NCOA2: variants seen among roughly 807,000 people sequenced by gnomAD.
NCOA2 encodes the protein nuclear receptor coactivator 2.
Under a neutral mutation model 145.1 loss-of-function variants are expected in NCOA2, and 21 were observed. The observed-to-expected ratio is 0.14, with a 90% confidence interval of 0.10 to 0.21. NCOA2 has a LOEUF of 0.21. Among genes scored for constraint, NCOA2 ranks in the 10% least tolerant of loss-of-function variants. NCOA2 has a pLI of 1.00. For missense variants in NCOA2, 1,472 were observed against 1,837.6 expected (o/e 0.80, Z 3.64); for synonymous variants, 619 against 637.5 (o/e 0.97, Z 0.44).
intron 15 of NCOA2, among the ~76,000 whole-genome samples, chr8:70,133,115 T>C (rs1057406402): frequency 6.6e-6 from 1 of 151,566 alleles, no homozygotes. Context: ...GATGCCATCA[T>C]GGCTCACTGG....
the NCOA2 span, among the ~76,000 whole-genome samples, chr8:70,427,964 A>G: frequency 3.6e-4 from 55 of 152,198 alleles, no homozygotes; most frequent in Non-Finnish European, 4.4e-5. Context: ...AAATCAGTTC[A>G]CATAAACCTG....
chr8:70,181,905 G>A (rs935617879), intron 4 of NCOA2, among the ~76,000 whole-genome samples: 1 of 152,180 alleles, frequency 6.6e-6, no homozygotes, highest in Admixed American at 6.5e-5. Flanking sequence ...ACAATGATGG[G>A]CAGTTTCTGA....
chr8:70,350,719 T>C (rs1485690569), intron 1 of NCOA2, among the ~76,000 whole-genome samples: 1 of 152,200 alleles, frequency 6.6e-6, no homozygotes, highest in Non-Finnish European at 1.5e-5. Flanking sequence ...AGTATACCAA[T>C]CATTCAGGTT....
chr8:70,283,564 A>G (rs192405454), intron 2 of NCOA2, among the ~76,000 whole-genome samples: 50 of 152,340 alleles, frequency 3.3e-4, no homozygotes, highest in Admixed American at 7.2e-4. Flanking sequence ...CACAAAGATC[A>G]AAGAGCCCAG....
chr8:70,453,267 C>G, the NCOA2 span, among the ~76,000 whole-genome samples: 4 of 152,332 alleles, frequency 2.6e-5, no homozygotes, highest in Non-Finnish European at 5.9e-5. Flanking sequence ...CTGGCGTTGG[C>G]CCACATCGAA....
At chr8:70,282,360 C>T (rs1825948744) in intron 2 of NCOA2, among the ~76,000 whole-genome samples, 1 of 152,156 alleles carries the variant, frequency 6.6e-6, no homozygotes. Flanking sequence ...TTATGGGTCC[C>T]GTCTTTTCTA....
chr8:70,273,701 A>T (rs1825246239), intron 2 of NCOA2: 1 of 640,460 alleles, frequency 1.6e-6, no homozygotes, highest in Non-Finnish European at 2.9e-6. Context: ...AGGCAGTCTG[A>T]CTAGTTTAAG....
intron 4 of NCOA2, among the ~76,000 whole-genome samples, chr8:70,176,083 T>G (rs1814800039): frequency 1.3e-5 from 2 of 152,202 alleles, no homozygotes. Flanking sequence ...GTTGCTTCAA[T>G]TTACCTGTCT....
At position 70,132,015 on chromosome 8, in the gene NCOA2, A is replaced by G; in HGVS notation, c.3159-13T>C. ...GCCAAATGGCTGCCTGTAAAGACAG[A>G]AATGTCACCTTGGGCCAATGGAAAA... On this transcript the variant is annotated splice_polypyrimidine_tract_variant and intron_variant, in intron 15 of 22. Coordinates refer to ENST00000452400, the MANE Select transcript of NCOA2 (RefSeq NM_006540.4). 6.2e-7 allele frequency: 1 copy of G among 1,609,474 alleles called. No homozygotes were observed. The highest frequency in any genetic ancestry group is 8.5e-7 in the Non-Finnish European group (1 of 1,177,992).
At chr8:70,302,526 A>G (rs1563741205) in intron 1 of NCOA2, among the ~76,000 whole-genome samples, 1 of 152,188 alleles carries the variant, frequency 6.6e-6, no homozygotes, top group Non-Finnish European at 1.5e-5. Context: ...GAATCATGGC[A>G]AAACTCCCTT....
the NCOA2 span, among the ~76,000 whole-genome samples, chr8:70,420,687 G>A: frequency 8.6e-5 from 13 of 152,034 alleles, no homozygotes; most frequent in East Asian, 3.9e-4. Flanking sequence ...TTGCTCTGTC[G>A]CCAGGCTGGA....
intron 1 of NCOA2, among the ~76,000 whole-genome samples, chr8:70,372,670 G>A (rs549634754): frequency 6.6e-6 from 1 of 152,260 alleles, no homozygotes; most frequent in African/African-American, 2.4e-5. Flanking sequence ...GTATAAATGT[G>A]TAAGTCTGGT....
At chr8:70,248,223 C>A (rs1042040730) in intron 2 of NCOA2, among the ~76,000 whole-genome samples, 1 of 152,110 alleles carries the variant, frequency 6.6e-6, no homozygotes, top group Non-Finnish European at 1.5e-5. Context: ...AATTGAGGTA[C>A]AATTTACATT....
rs1255289591 is a variant in NCOA2 at position 70,109,887 on chromosome 8, C to T, written c.*3745G>A. The T allele has an allele frequency of 5.5e-6, 1 of 183,142 alleles. No homozygotes were observed. The highest frequency in any genetic ancestry group is 1.2e-5 in the Non-Finnish European group (1 of 86,094). The allele number at this position is 183,142 out of a possible 1,614,324, so 11.3% of individuals were successfully genotyped here. A position where few individuals can be genotyped will look rare whatever the true frequency, so the allele number is the denominator to read the frequency against. ...AAATAAGCAAATAGCATCAGCAAAGCAATATTAACTTGCATAAATGTATTT... is the reference window on the plus strand; with the variant it reads ...AAATAAGCAAATAGCATCAGCAAAGTAATATTAACTTGCATAAATGTATTT... On this transcript the variant is annotated 3_prime_UTR_variant, in exon 23 of 23. Coordinates refer to ENST00000452400, the MANE Select transcript of NCOA2 (RefSeq NM_006540.4).
intron 1 of NCOA2, among the ~76,000 whole-genome samples, chr8:70,364,954 T>A (rs895719419): frequency 3.9e-5 from 6 of 152,088 alleles, no homozygotes; most frequent in Non-Finnish European, 7.3e-5. Flanking sequence ...AGGGTCTTAT[T>A]ACAATGGCCG....
intron 6 of NCOA2, among the ~76,000 whole-genome samples, chr8:70,169,664 C>A (rs994390621): frequency 6.6e-6 from 1 of 152,104 alleles, no homozygotes; most frequent in Non-Finnish European, 1.5e-5. Flanking sequence ...GGGATAAATA[C>A]CCCATCTCCA....
At chr8:70,421,299 C>T in the NCOA2 span, among the ~76,000 whole-genome samples, 1 of 151,824 alleles carries the variant, frequency 6.6e-6, no homozygotes, top group South Asian at 2.1e-4. Flanking sequence ...GCCTGTAATC[C>T]CAGCACTTTG....
chr8:70,127,986 A>T (rs1038463082), intron 18 of NCOA2, among the ~76,000 whole-genome samples: 6 of 152,208 alleles, frequency 3.9e-5, no homozygotes, highest in Non-Finnish European at 5.9e-5. Context: ...TAAGTGCAAG[A>T]GGCGGTGATG....
chr8:70,372,285 C>A (rs192580095), intron 1 of NCOA2, among the ~76,000 whole-genome samples: 26 of 152,272 alleles, frequency 1.7e-4, no homozygotes, highest in Admixed American at 3.3e-4. Flanking sequence ...ACAAAAATCA[C>A]TACTAAAGCT....
Sources: allele counts gnomAD v4.1 joint callset (sites outside exome capture counted in the v4.1 genomes callset), GRCh38; gene constraint gnomAD v4.1.1; transcripts MANE v1.5; gene names NCBI Gene and HGNC (gene_info 2026-07-23, HGNC 2026-07-21).